Variants in RBFOX3 observed in about 807,000 individuals in gnomAD.
RBFOX3 encodes RNA binding fox-1 homolog 3, also known as RNA binding protein fox-1 homolog 3.
Under a neutral mutation model 48.7 loss-of-function variants are expected in RBFOX3, and 17 were observed. The observed-to-expected ratio is 0.35, with a 90% CI of 0.24 to 0.52. The LOEUF is 0.52. Ranked by LOEUF, RBFOX3 falls within the 20% of genes least tolerant of loss-of-function variation. The pLI is 0.94. For synonymous variants in RBFOX3, 212 were observed against 209.5 expected (o/e 1.01, Z -0.10); for missense variants, 382 against 497.5 (o/e 0.77, Z 2.21).
At chr17:79,165,139 G>A (rs2047741350) in intron 4 of RBFOX3, among the ~76,000 whole-genome samples, 1 of 152,106 alleles carries the variant, frequency 6.6e-6, no homozygotes, top group Non-Finnish European at 1.5e-5. Context: ...GGGAGACATG[G>A]GCTGGTGTCC....
At chr17:79,319,563 G>C (rs540591751) in intron 2 of RBFOX3, among the ~76,000 whole-genome samples, 2 of 151,918 alleles carry the variant, frequency 1.3e-5, no homozygotes, top group Non-Finnish European at 2.9e-5. Context: ...TGCTGGTCTT[G>C]TATGGGCTGC....
intron 4 of RBFOX3, among the ~76,000 whole-genome samples, chr17:79,219,378 C>T (rs950232588): frequency 6.6e-6 from 1 of 152,226 alleles, no homozygotes; most frequent in African/African-American, 2.4e-5. Context: ...CAGCCTTCTC[C>T]AAAGTGTGTG....
intron 2 of RBFOX3, among the ~76,000 whole-genome samples, chr17:79,468,821 A>AGGATGGAT (rs201335709): frequency 0.014 from 1,987 of 146,696 alleles, 25 homozygotes; most frequent in Non-Finnish European, 0.022. Flanking sequence ...GACAGGCAGG[A>AGGATGGAT]GGATGGATGG....
intron 3 of RBFOX3, among the ~76,000 whole-genome samples, chr17:79,278,581 G>A (rs1481118320): frequency 2.0e-5 from 3 of 152,190 alleles, no homozygotes; most frequent in African/African-American, 4.8e-5. Context: ...TGCTGTGGGC[G>A]TGGCCTGTGG....
chr17:79,656,814 AG>A, the RBFOX3 span, among the ~76,000 whole-genome samples: 2 of 71,452 alleles, frequency 2.8e-5, no homozygotes, highest in South Asian at 1.0e-3. Flanking sequence ...AAGAAAAGAA[AG>A]AGAAAGAAAG....
chr17:79,559,218 A>G (rs1385140144), intron 1 of RBFOX3, among the ~76,000 whole-genome samples: 2 of 152,152 alleles, frequency 1.3e-5, no homozygotes, highest in African/African-American at 2.4e-5. Context: ...AATAATACCT[A>G]GCATGCATTA....
chr17:79,496,013 C>T (rs1038497681), intron 1 of RBFOX3, among the ~76,000 whole-genome samples: 3 of 151,894 alleles, frequency 2.0e-5, no homozygotes, highest in Non-Finnish European at 2.9e-5. Flanking sequence ...GTTGAACGGC[C>T]GACATGTTCT....
At chr17:79,407,433 G>T (rs904064623) in intron 2 of RBFOX3, among the ~76,000 whole-genome samples, 2 of 152,262 alleles carry the variant, frequency 1.3e-5, no homozygotes, top group Non-Finnish European at 2.9e-5. Context: ...CCTGGGGGAG[G>T]ACAGGAAGGA....
chr17:79,156,669 G>A (rs781432564), intron 4 of RBFOX3, among the ~76,000 whole-genome samples: 2 of 152,160 alleles, frequency 1.3e-5, no homozygotes, highest in East Asian at 1.9e-4. Flanking sequence ...TATTGTCTCC[G>A]GCTGTGCTCG....
intron 4 of RBFOX3, among the ~76,000 whole-genome samples, chr17:79,147,668 G>A (rs932880896): frequency 2.6e-4 from 39 of 152,248 alleles, no homozygotes; most frequent in African/African-American, 8.7e-4. Flanking sequence ...AGCACGTGGA[G>A]CCCAATCAGC....
chr17:79,621,588 T>C, the RBFOX3 span, among the ~76,000 whole-genome samples: 2 of 152,194 alleles, frequency 1.3e-5, no homozygotes, highest in South Asian at 4.1e-4. Flanking sequence ...CCTGTACAAG[T>C]GTCCATGAAC....
chr17:79,351,014 A>ATC (rs2083834876), intron 2 of RBFOX3, among the ~76,000 whole-genome samples: 1 of 152,154 alleles, frequency 6.6e-6, no homozygotes, highest in African/African-American at 2.4e-5. Flanking sequence ...TGAATGGTTC[A>ATC]GTATTTGCCC....
At chr17:79,099,618 GC>G (rs1280410633) in intron 9 of RBFOX3, 6 of 152,314 alleles carry the variant, frequency 3.9e-5, no homozygotes, top group African/African-American at 1.4e-4. Flanking sequence ...GCTTCAGATG[GC>G]CCTGGGCACC....
At chr17:79,508,032 G>A (rs931665880) in intron 1 of RBFOX3, among the ~76,000 whole-genome samples, 7 of 152,386 alleles carry the variant, frequency 4.6e-5, no homozygotes, top group African/African-American at 1.4e-4. Flanking sequence ...ACACAAGTCA[G>A]GGTCTGGCCC....
intron 3 of RBFOX3, among the ~76,000 whole-genome samples, chr17:79,286,917 G>A (rs1228315044): frequency 1.3e-5 from 2 of 152,202 alleles, no homozygotes; most frequent in South Asian, 2.1e-4. Context: ...ACGCTGTAGG[G>A]TCAGGGTTCC....
At chr17:79,367,981 C>A (rs537248414) in intron 2 of RBFOX3, among the ~76,000 whole-genome samples, 1 of 152,342 alleles carries the variant, frequency 6.6e-6, no homozygotes, top group African/African-American at 2.4e-5. Context: ...AGACAAACAA[C>A]AACCGAGGGT....
At chr17:79,633,961 G>C in the RBFOX3 span, among the ~76,000 whole-genome samples, 1 of 152,222 alleles carries the variant, frequency 6.6e-6, no homozygotes. Flanking sequence ...AAGCACCTAA[G>C]ACCCCCTCTA....
intron 1 of RBFOX3, among the ~76,000 whole-genome samples, chr17:79,526,524 G>A (rs1378717208): frequency 2.0e-5 from 3 of 152,340 alleles, no homozygotes; most frequent in Non-Finnish European, 2.9e-5. Flanking sequence ...GTCCCCGGAC[G>A]CACTCTTGGA....
At chr17:79,354,834 A>G (rs1384061641) in intron 2 of RBFOX3, among the ~76,000 whole-genome samples, 1 of 152,236 alleles carries the variant, frequency 6.6e-6, no homozygotes, top group Non-Finnish European at 1.5e-5. Flanking sequence ...TAGTTCCACA[A>G]GACAAGGTAG....
Sources: gnomAD v4.1 joint callset for allele counts (sites outside exome capture counted in the v4.1 genomes callset) on GRCh38, gnomAD v4.1.1 for gene constraint, MANE v1.5 for transcripts, NCBI Gene and HGNC (gene_info 2026-07-23, HGNC 2026-07-21) for gene names.